S100PBP: variants seen among roughly 807,000 people sequenced by gnomAD.
S100PBP encodes the protein S100P-binding protein.
S100PBP carries 15 observed loss-of-function variants against 39.9 expected under a neutral mutation model. That is an observed-to-expected ratio of 0.38 (90% confidence interval 0.25 to 0.58). The LOEUF is 0.58. S100PBP is among the 20% of genes least tolerant of loss of function. The pLI is 0.70. For missense variants in S100PBP, 504 were observed against 487.3 expected (o/e 1.03, Z -0.32); for synonymous variants, 178 against 180.3 (o/e 0.99, Z 0.10).
Position 32,826,356 on chromosome 1 carries a change from G to A in S100PBP, c.257G>A (p.Arg86Lys). The stretch of plus-strand genomic sequence containing the variant: ...GGTGGGCATGTTGAGAAGGGAGAAA[G>A]AGGGAGTCAAATTCTACTTGATACT... ...DDGGHVEKGE[R>K]GSQILLDTPR... Residue 86 changes from arginine (R) to lysine (K), a missense_variant, in exon 3 of 7, where the codon AGA becomes AAA. Transcript: ENST00000373475. 6.2e-7 allele frequency: 1 copy of A among 1,614,164 alleles called. No homozygotes were observed. The highest frequency in any genetic ancestry group is 1.1e-5 in the South Asian group (1 of 91,078).
At chr1:32,823,171 G>T (rs1377969913) in intron 1 of S100PBP, among the ~76,000 whole-genome samples, 1 of 152,174 alleles carries the variant, frequency 6.6e-6, no homozygotes, top group Non-Finnish European at 1.5e-5. Flanking sequence ...CCAACCAAGG[G>T]CTTGAACTAG....
chr1:32,829,368 T>A (rs1639485916), intron 4 of S100PBP, among the ~76,000 whole-genome samples: 2 of 152,240 alleles, frequency 1.3e-5, no homozygotes, highest in Non-Finnish European at 2.9e-5. Flanking sequence ...CTTGAATTAC[T>A]CAATAAATAC....
intron 5 of S100PBP, among the ~76,000 whole-genome samples, chr1:32,849,936 T>C (rs988416910): frequency 3.3e-5 from 5 of 152,214 alleles, no homozygotes; most frequent in Non-Finnish European, 7.3e-5. Flanking sequence ...TTGTAAAGAA[T>C]AAATGAGTTG....
In S100PBP at chr1:32,826,826, G is replaced by C; in HGVS notation, c.727G>C (p.Asp243His). 1 of 1,614,060 alleles carries C rather than the reference G, an allele frequency of 6.2e-7. No homozygotes were observed. Among genetic ancestry groups the C allele is most frequent in the Non-Finnish European group, 8.5e-7 (1 of 1,179,944 alleles). ...NPTSVFSRIS[D>H]HSETPNMELS... The stretch of plus-strand genomic sequence containing the variant: ...TACGTCTGTATTCTCTCGGATCTCA[G>C]ACCATTCAGAGACTCCTAATATGGA... The change falls in exon 3 of 7, where the codon GAC (aspartate) becomes CAC (histidine). Residue 243 changes from aspartate to histidine, a missense_variant. Physicochemically the swap from Asp to His is moderately conservative, Grantham distance 81 (BLOSUM62 -1). Transcript: ENST00000373475.
chr1:32,819,339 C>T (rs1337049806), intron 1 of S100PBP, among the ~76,000 whole-genome samples: 1 of 152,024 alleles, frequency 6.6e-6, no homozygotes, highest in Non-Finnish European at 1.5e-5. Flanking sequence ...AGGCCGAGGC[C>T]GGAGGATTGC....
At chr1:32,819,231 A>G (rs1439918962) in intron 1 of S100PBP, among the ~76,000 whole-genome samples, 2 of 152,178 alleles carry the variant, frequency 1.3e-5, no homozygotes, top group East Asian at 3.9e-4. Flanking sequence ...AGAGGAACTA[A>G]GAAATAGAAT....
intron 5 of S100PBP, among the ~76,000 whole-genome samples, chr1:32,842,415 A>G (rs895294584): frequency 6.6e-6 from 1 of 151,250 alleles, no homozygotes; most frequent in Non-Finnish European, 1.5e-5. Context: ...GGTTTCCAGG[A>G]AAAAAAAGAC....
intron 5 of S100PBP, among the ~76,000 whole-genome samples, chr1:32,831,121 A>G (rs1339628931): frequency 6.6e-6 from 1 of 152,034 alleles, no homozygotes; most frequent in African/African-American, 2.4e-5. Flanking sequence ...ATCTTCATTC[A>G]TTCAGCAAAC....
intron 5 of S100PBP, chr1:32,835,554 T>C (rs1639779692): frequency 6.6e-6 from 1 of 152,122 alleles, no homozygotes; most frequent in Non-Finnish European, 1.5e-5. Flanking sequence ...TACACAACAG[T>C]TCCCCCTCTC....
At chr1:32,824,623 T>C (rs546243599) in intron 1 of S100PBP, among the ~76,000 whole-genome samples, 38 of 151,472 alleles carry the variant, frequency 2.5e-4, no homozygotes, top group Middle Eastern at 3.5e-3. Context: ...AGTGCAGCGA[T>C]ATGATGACTG....
intron 5 of S100PBP, among the ~76,000 whole-genome samples, chr1:32,841,066 C>T (rs1172837504): frequency 6.6e-6 from 1 of 150,694 alleles, no homozygotes; most frequent in Non-Finnish European, 1.5e-5. Flanking sequence ...GAGGCTGAGG[C>T]AGGAGAATGG....
At chr1:32,824,239 G>T (rs1639219889) in intron 1 of S100PBP, among the ~76,000 whole-genome samples, 1 of 151,124 alleles carries the variant, frequency 6.6e-6, no homozygotes, top group Admixed American at 6.6e-5. Flanking sequence ...ATGAACTAAA[G>T]TTAAAGCTCA....
intron 5 of S100PBP, among the ~76,000 whole-genome samples, chr1:32,833,661 A>G (rs1014654310): frequency 1.3e-5 from 2 of 152,018 alleles, no homozygotes; most frequent in African/African-American, 4.8e-5. Flanking sequence ...CACCCAGCCC[A>G]TTTTTTATTC....
intron 5 of S100PBP, among the ~76,000 whole-genome samples, chr1:32,833,680 A>G (rs554116349): frequency 3.3e-5 from 5 of 152,212 alleles, no homozygotes; most frequent in East Asian, 3.9e-4. Context: ...TCTTTCAGAC[A>G]TTAGAAATAA....
chr1:32,836,461 A>G, intron 5 of S100PBP: 1 of 803,168 alleles, frequency 1.2e-6, no homozygotes, highest in Non-Finnish European at 1.5e-6. Flanking sequence ...GTTTTTTTTT[A>G]TAGTAGCTAT....
rs752451998 is a variant in S100PBP at position 32,855,809 on chromosome 1, T to C, written c.1113-115T>C. ...TGAGAATTGAAATATAAAATTAATA[T>C]CTGATTTCCAAAAGTAAAGATCTTC... On this transcript the variant is annotated intron_variant, in intron 6 of 6. Transcript: ENST00000373475. 6.7e-6 allele frequency: 4 copies of C among 593,552 alleles called. No individual in the cohort carries two copies. In the East Asian group the frequency reaches 9.0e-5, roughly 13 times the overall value. The allele number at this position is 593,552 out of a possible 1,614,324, so 36.8% of individuals were successfully genotyped here.
chr1:32,820,745 G>C (rs1406178186), intron 1 of S100PBP: 1 of 152,176 alleles, frequency 6.6e-6, no homozygotes, highest in Non-Finnish European at 1.5e-5. Flanking sequence ...CTCAATGCCT[G>C]TAATCCCAGC....
intron 3 of S100PBP, 112 bp from the exon 4 acceptor site, chr1:32,827,881 G>T: frequency 1.6e-6 from 1 of 620,340 alleles, no homozygotes; most frequent in East Asian, 3.3e-5. Flanking sequence ...TAGTGTTCAC[G>T]AATAGGCTTT....
chr1:32,829,818 C>T (rs1196358148), intron 4 of S100PBP, 146 bp from the exon 5 acceptor site: 2 of 618,772 alleles, frequency 3.2e-6, no homozygotes, highest in African/African-American at 1.8e-5. Context: ...ATGACTAATA[C>T]TGTCCTCTGC....
Sources: allele counts gnomAD v4.1 joint callset (sites outside exome capture counted in the v4.1 genomes callset), GRCh38; gene constraint gnomAD v4.1.1; transcripts MANE v1.5; gene names NCBI Gene and HGNC (gene_info 2026-07-23, HGNC 2026-07-21).